The following FAM193A variants were observed in gnomAD, a reference collection of about 807,000 sequenced individuals.
FAM193A encodes the protein protein FAM193A.
A neutral mutation model predicts 126.5 loss-of-function variants in FAM193A; 22 were observed. The ratio of observed to expected loss-of-function variants is 0.17; its 90% CI spans 0.12 to 0.25. The LOEUF is 0.25. Ranked by LOEUF, FAM193A falls within the 10% of genes least tolerant of loss-of-function variation. The probability of loss-of-function intolerance (pLI) is 1.00; values close to 1 mark genes in which losing one functional copy is unlikely to be tolerated. For missense variants in FAM193A, 1,675 were observed against 1,672.8 expected, an observed-to-expected ratio of 1.00 and a Z score of -0.02; for synonymous variants, 761 against 646.8, an observed-to-expected ratio of 1.18 and a Z score of -2.68.
At chr4:2,619,135 C>T (rs1179445825) in intron 2 of FAM193A, among the ~76,000 whole-genome samples, 2 of 152,010 alleles carry the variant, frequency 1.3e-5, no homozygotes. Flanking sequence ...TATTTCTCAG[C>T]TCTGGAAGTT....
chr4:2,548,129 T>C (rs990282703), intron 1 of FAM193A, among the ~76,000 whole-genome samples: 16 of 150,066 alleles, frequency 1.1e-4, no homozygotes, highest in Admixed American at 6.1e-4. Flanking sequence ...TGGAGTGCAG[T>C]GGCACGATCT....
In FAM193A at chr4:2,700,538, T is replaced by C; in HGVS notation, c.4366T>C (p.Ser1456Pro). 6.2e-7 allele frequency: 1 copy of C among 1,610,414 alleles called. No individual in the cohort carries two copies. The highest frequency in any genetic ancestry group is 1.3e-5 in the African/African-American group (1 of 74,568). Residue 1456 changes from serine to proline, a missense_variant, in exon 19 of 21, where the codon TCA becomes CCA. Transcript: ENST00000637812. The stretch of plus-strand genomic sequence containing the variant: ...GAAGAAAGGAGACAGAGTCAACAAT[T>C]CAATTGGTAAATACAGAATAGCGGG... Reference protein sequence around the residue: ...KKKKGDRVNNSIDDVFLPKDI... With the variant: ...KKKKGDRVNNPIDDVFLPKDI...
At chr4:2,655,173 T>G (rs922413874) in intron 7 of FAM193A, 2 of 652,686 alleles carry the variant, frequency 3.1e-6, no homozygotes, top group Non-Finnish European at 5.6e-6. Flanking sequence ...ATACAGACTT[T>G]TGATACTTTC....
At chr4:2,682,136 C>T (rs938956611) in intron 13 of FAM193A, among the ~76,000 whole-genome samples, 3 of 151,976 alleles carry the variant, frequency 2.0e-5, no homozygotes, top group African/African-American at 7.2e-5. Context: ...AGGTGCCCAC[C>T]ACCATGCCCG....
At chr4:2,571,955 G>A (rs1485767171) in intron 1 of FAM193A, among the ~76,000 whole-genome samples, 9 of 151,644 alleles carry the variant, frequency 5.9e-5, no homozygotes, top group African/African-American at 2.2e-4. Context: ...CATGAGGTCA[G>A]GAGATCAAGA....
At chr4:2,708,613 C>A (rs917296250) in intron 19 of FAM193A, among the ~76,000 whole-genome samples, 1 of 151,466 alleles carries the variant, frequency 6.6e-6, no homozygotes, top group African/African-American at 2.4e-5. Flanking sequence ...CAGGCGCACA[C>A]CACCATGCCC....
chr4:2,686,774 G>GA (rs1420003986), intron 13 of FAM193A, among the ~76,000 whole-genome samples: 2 of 152,160 alleles, frequency 1.3e-5, no homozygotes, highest in Admixed American at 1.3e-4. Flanking sequence ...GGCACAATGG[G>GA]ACTGCTGCTC....
At chr4:2,625,238 T>C (rs1742834918) in intron 2 of FAM193A, 24 bp from the exon 3 acceptor site, 2 of 688,990 alleles carry the variant, frequency 2.9e-6, no homozygotes, top group Non-Finnish European at 5.3e-6. Flanking sequence ...ATAACTGGTC[T>C]ATTCTGTTCT....
Position 2,700,027 on chromosome 4 carries a change from G to T in FAM193A, c.3855G>T (p.Glu1285Asp). 1.2e-6 allele frequency: 2 copies of T among 1,613,978 alleles called. No homozygotes were observed. Among genetic ancestry groups the T allele is most frequent in the South Asian group, 1.1e-5 (1 of 91,068 alleles). ...HSPSRHMNHS[E>D]PRPGLGADGD... ...CATCCAGGCATATGAACCACTCAGA[G>T]CCCAGGCCAGGGCTAGGGGCTGATG... is the stretch of plus-strand genomic sequence containing the variant. The change falls in exon 19 of 21, where the codon GAG becomes GAT. Residue 1285 changes from glutamate to aspartate, a missense_variant. Glu to Asp is a conservative substitution (Grantham distance 45). Transcript: ENST00000637812.
chr4:2,716,152 A>G (rs770024852), intron 20 of FAM193A, 48 bp downstream of exon 20: 9 of 1,245,418 alleles, frequency 7.2e-6, no homozygotes, highest in Non-Finnish European at 1.1e-5. Context: ...TGTGCTTGCC[A>G]TACATGTTTG....
chr4:2,602,599 C>T (rs1312930150), intron 2 of FAM193A, among the ~76,000 whole-genome samples: 1 of 151,994 alleles, frequency 6.6e-6, no homozygotes, highest in South Asian at 2.1e-4. Context: ...GTGATCCACC[C>T]ACCTTGGCCT....
At chr4:2,569,548 G>C (rs368828888) in intron 1 of FAM193A, among the ~76,000 whole-genome samples, 6 of 152,092 alleles carry the variant, frequency 3.9e-5, no homozygotes, top group South Asian at 2.1e-4. Context: ...ACCCGGTCCG[G>C]AGTGCAGTGG....
At chr4:2,639,640 G>T in intron 5 of FAM193A, 95 bp from the exon 6 acceptor site, 1 of 923,508 alleles carries the variant, frequency 1.1e-6, no homozygotes, top group Non-Finnish European at 1.6e-6. Context: ...CGTGGTGGGG[G>T]GAAATGGGGA....
At chr4:2,713,202 CAA>C (rs1719177772) in intron 19 of FAM193A, among the ~76,000 whole-genome samples, 2 of 151,494 alleles carry the variant, frequency 1.3e-5, no homozygotes, top group Admixed American at 6.6e-5. Context: ...GTCAAGAGAT[CAA>C]GACCATCCTG....
At chr4:2,687,142 G>A (rs573516171) in intron 13 of FAM193A, among the ~76,000 whole-genome samples, 8 of 152,224 alleles carry the variant, frequency 5.3e-5, no homozygotes, top group Middle Eastern at 3.4e-3. Context: ...CTGTCCAGCA[G>A]CCCAGAGGGG....
chr4:2,559,241 C>G (rs928725680), intron 1 of FAM193A, among the ~76,000 whole-genome samples: 1 of 152,146 alleles, frequency 6.6e-6, no homozygotes, highest in Admixed American at 6.6e-5. Context: ...CTGGAGGGGA[C>G]AACGACAGAG....
At chr4:2,543,895 A>AAAC (rs1491416211) in intron 1 of FAM193A, among the ~76,000 whole-genome samples, 22 of 132,598 alleles carry the variant, frequency 1.7e-4, no homozygotes, top group East Asian at 1.1e-3. Context: ...AAAAAAAAAA[A>AAAC]CCAAAAAATT....
chr4:2,686,275 C>T (rs148101993), intron 13 of FAM193A, among the ~76,000 whole-genome samples: 3 of 152,234 alleles, frequency 2.0e-5, no homozygotes, highest in East Asian at 1.9e-4. Flanking sequence ...GAATCATTGC[C>T]GTATGTTTCC....
intron 1 of FAM193A, among the ~76,000 whole-genome samples, chr4:2,545,308 A>G (rs1445874587): frequency 3.9e-5 from 6 of 152,124 alleles, no homozygotes; most frequent in Non-Finnish European, 5.9e-5. Context: ...TTTGAATTTC[A>G]TAGAACAAGA....
Sources: gnomAD v4.1 joint callset for allele counts (sites outside exome capture counted in the v4.1 genomes callset) on GRCh38, gnomAD v4.1.1 for gene constraint, MANE v1.5 for transcripts, NCBI Gene and HGNC (gene_info 2026-07-23, HGNC 2026-07-21) for gene names.